The following ORC5 variants were observed in gnomAD, a reference collection of about 807,000 sequenced individuals.
The protein encoded by ORC5 is origin recognition complex subunit 5.
ORC5 carries 39 observed loss-of-function variants against 58.8 expected under a neutral mutation model. The observed-to-expected ratio is 0.66, with a 90% CI of 0.51 to 0.87. The LOEUF (loss-of-function observed/expected upper bound fraction) is 0.87. ORC5 is among the 40% of genes least tolerant of loss of function. ORC5 has a pLI of 0.00. For missense variants in ORC5, 493 were observed against 506.3 expected, an observed-to-expected ratio of 0.97 and a Z score of 0.25; for synonymous variants, 218 against 177.6, an observed-to-expected ratio of 1.23 and a Z score of -1.81.
rs80236963 is a variant in ORC5, at chr7:104,181,567, C to T, written c.824+2376G>A. 3.7e-4 allele frequency among the ~76,000 whole-genome samples: 56 copies of T among 151,924 alleles called. No individual in the cohort carries two copies. In the East Asian group the frequency reaches 9.5e-3, roughly 26 times the overall value. On this transcript the variant is annotated intron_variant, in intron 8 of 13. Transcript: ENST00000297431. ...TTGGGAGGCCAAGGCAGGCAGATCA[C>T]GAGGTCAGGAGATCAAGACCATCCT...
chr7:104,155,160 A>C (rs1006821505), intron 12 of ORC5, among the ~76,000 whole-genome samples: 1 of 151,818 alleles, frequency 6.6e-6, no homozygotes, highest in Admixed American at 6.6e-5. Context: ...ATTCATGACC[A>C]ATAAGTTAAA....
chr7:104,153,493 T>G (rs1271791785), intron 12 of ORC5, among the ~76,000 whole-genome samples: 1 of 142,540 alleles, frequency 7.0e-6, no homozygotes, highest in Non-Finnish European at 1.6e-5. Context: ...CAATCTCAGT[T>G]GTTGTTAAGA....
Position 104,146,395 on chromosome 7 carries a change from C to T in ORC5, c.1150-9502G>A, listed in dbSNP as rs150840963. 2.2e-3 allele frequency among the ~76,000 whole-genome samples: 320 copies of T among 144,464 alleles called. 1 individual carries two copies. The highest frequency in any genetic ancestry group is 7.5e-3 in the African/African-American group (288 of 38,336). The allele number at this position is 144,464 out of a possible 152,430, so 94.8% of individuals were successfully genotyped here. On this transcript the variant is annotated intron_variant, in intron 12 of 13. Transcript: ENST00000297431. ...AGCTTTAATTGTAGTAGCCAAAAAA[C>T]GGGAAAGAACCCAGATGTCCTTCAA...
chr7:104,137,734 C>T (rs1195996511), intron 12 of ORC5, among the ~76,000 whole-genome samples: 1 of 152,112 alleles, frequency 6.6e-6, no homozygotes, highest in Non-Finnish European at 1.5e-5. Context: ...CCAAGAGCGG[C>T]TAGACTTCAG....
At chr7:104,165,333 AC>A in intron 10 of ORC5, 51 bp from the exon 11 acceptor site, 1 of 1,037,668 alleles carries the variant, frequency 9.6e-7, no homozygotes, top group Non-Finnish European at 1.5e-6. Context: ...ATTCCACAAA[AC>A]CAGAAAACGT....
chr7:104,130,447 T>G (rs570695899), intron 13 of ORC5, among the ~76,000 whole-genome samples: 3 of 152,334 alleles, frequency 2.0e-5, no homozygotes, highest in East Asian at 3.9e-4. Context: ...TGTTTAACTC[T>G]CTACTGTACC....
chr7:104,199,179 A>C (rs1162968976), intron 3 of ORC5, among the ~76,000 whole-genome samples: 1 of 122 alleles, frequency 8.2e-3, no homozygotes, highest in Non-Finnish European at 0.019. Flanking sequence ...CAGAGTCCCC[A>C]CTGGGCACTG....
chr7:104,136,880 A>G lies in ORC5; in HGVS notation c.1163T>C (p.Val388Ala), dbSNP rs753387030. The stretch of plus-strand genomic sequence containing the variant: ...AACCAGGGTTAACAGCTGAAGGGTC[A>G]CTAGAGAGGTAATCTAAAAGAGAAC... ...ANIFSQITSL[V>A]TLQLLTLVGH... is the part of the protein sequence containing the mutation. The change falls in exon 13 of 14, where the codon GTG becomes GCG. Residue 388 changes from valine (V) to alanine (A), a missense_variant. Val to Ala is a moderately conservative substitution (Grantham distance 64). Coordinates refer to ENST00000297431, the MANE Select transcript of ORC5 (RefSeq NM_002553.4). This position sits in a 1 kb window ranked among gnomAD's most constrained non-coding sequence, Gnocchi z 4.2. 6.2e-7 allele frequency: 1 copy of G among 1,611,500 alleles called. No individual in the cohort carries two copies. The highest frequency in any genetic ancestry group is 1.1e-5 in the South Asian group (1 of 91,004).
At chr7:104,186,291 G>T (rs1584513251) in intron 6 of ORC5, among the ~76,000 whole-genome samples, 2 of 152,084 alleles carry the variant, frequency 1.3e-5, no homozygotes, top group African/African-American at 4.8e-5. Flanking sequence ...CATGTATATG[G>T]AGGGCTAACT....
At chr7:104,130,873 G>A (rs1045967055) in intron 13 of ORC5, among the ~76,000 whole-genome samples, 5 of 152,104 alleles carry the variant, frequency 3.3e-5, no homozygotes, top group African/African-American at 9.7e-5. Context: ...ATTAGCCCCC[G>A]ACTGGCTTTA....
chr7:104,202,188 T>C (rs936176720), intron 2 of ORC5, among the ~76,000 whole-genome samples: 2 of 152,220 alleles, frequency 1.3e-5, no homozygotes, highest in African/African-American at 4.8e-5. Flanking sequence ...CAAACGAGAC[T>C]TGCTCACCAA....
intron 5 of ORC5, among the ~76,000 whole-genome samples, chr7:104,194,908 T>C (rs1312225335): frequency 3.0e-5 from 4 of 132,258 alleles, no homozygotes; most frequent in Non-Finnish European, 4.7e-5. Flanking sequence ...TTATTTGAGA[T>C]TGGCAGCAAA....
At chr7:104,182,832 T>C (rs1396701456) in intron 8 of ORC5, among the ~76,000 whole-genome samples, 1 of 152,176 alleles carries the variant, frequency 6.6e-6, no homozygotes, top group African/African-American at 2.4e-5. Flanking sequence ...TTGTACTTGT[T>C]GCCTGTCAAA....
At chr7:104,207,089 T>C (rs542177862) in intron 1 of ORC5, among the ~76,000 whole-genome samples, 1 of 152,322 alleles carries the variant, frequency 6.6e-6, no homozygotes, top group Admixed American at 6.5e-5. Flanking sequence ...GACCCTGAAT[T>C]CTCATTCACT....
chr7:104,144,365 C>A (rs1798721484), intron 12 of ORC5, among the ~76,000 whole-genome samples: 1 of 152,028 alleles, frequency 6.6e-6, no homozygotes, highest in Non-Finnish European at 1.5e-5. Context: ...AGCAGAATAT[C>A]CACCTTCCTT....
intron 8 of ORC5, among the ~76,000 whole-genome samples, chr7:104,183,497 A>C (rs1433764173): frequency 2.0e-5 from 3 of 152,316 alleles, no homozygotes. Flanking sequence ...AAAAATCCTG[A>C]CAAACAGAGC....
chr7:104,202,724 C>T (rs1008358589), intron 2 of ORC5, among the ~76,000 whole-genome samples: 31 of 152,154 alleles, frequency 2.0e-4, no homozygotes, highest in African/African-American at 7.2e-4. Flanking sequence ...AATGCAAATG[C>T]CTGGACCAAG....
chr7:104,183,584 A>G (rs1799479917), intron 8 of ORC5, among the ~76,000 whole-genome samples: 2 of 152,234 alleles, frequency 1.3e-5, no homozygotes, highest in African/African-American at 4.8e-5. Context: ...AGGAAAAAAC[A>G]TAACCTTGTA....
At chr7:104,193,163 AT>A (rs1242123615) in intron 5 of ORC5, among the ~76,000 whole-genome samples, 1 of 152,064 alleles carries the variant, frequency 6.6e-6, no homozygotes, top group African/African-American at 2.4e-5. Context: ...AATAAAAGTT[AT>A]TTTCTTTTTT....
Sources: gnomAD v4.1 joint callset for allele counts (sites outside exome capture counted in the v4.1 genomes callset) on GRCh38, gnomAD v4.1.1 for gene constraint, Gnocchi (gnomAD v3.1) non-coding constraint, MANE v1.5 for transcripts, NCBI Gene and HGNC (gene_info 2026-07-23, HGNC 2026-07-21) for gene names.